MRPS25: variants seen among roughly 807,000 people sequenced by gnomAD.
MRPS25 encodes small ribosomal subunit protein mS25.
MRPS25 carries 15 observed loss-of-function variants against 17.3 expected under a neutral mutation model. That is an observed-to-expected ratio of 0.87 (90% CI 0.58 to 1.34). The LOEUF (loss-of-function observed/expected upper bound fraction) is 1.34, where lower values mean the gene tolerates loss of function less well. MRPS25 is among the 40% of genes most tolerant of loss of function. The probability of loss-of-function intolerance (pLI) is 0.00; values close to 1 mark genes in which losing one functional copy is unlikely to be tolerated. For synonymous variants in MRPS25, 94 were observed against 83.3 expected (o/e 1.13, Z -0.70); for missense variants, 225 against 218.6 (o/e 1.03, Z -0.19).
intron 1 of MRPS25, among the ~76,000 whole-genome samples, chr3:15,062,973 T>C (rs1001918491): frequency 2.6e-5 from 4 of 151,696 alleles, no homozygotes; most frequent in Non-Finnish European, 4.4e-5. Flanking sequence ...GTTTATCTGC[T>C]GACCTTCCCT....
Position 15,052,501 on chromosome 3 carries a change from T to G in MRPS25, c.462A>C (p.Pro154=). Residue 154 remains proline, a synonymous_variant, in exon 4 of 4, where the codon CCA becomes CCC. Transcript: ENST00000253686. Reference sequence around the variant, plus strand: ...ACTTCCCCCTCATCTCCTTGGGTAATGGCACCAGGCTGGGGCAGGGCACCT... The same window carrying G: ...ACTTCCCCCTCATCTCCTTGGGTAAGGGCACCAGGCTGGGGCAGGGCACCT... The part of the protein sequence containing the change: ...EGQVPCPSLV[P]LPKEMRGKYK... The G allele has an allele frequency of 6.2e-7, 1 of 1,614,164 alleles. No individual in the cohort carries two copies. The highest frequency in any genetic ancestry group is 1.3e-5 in the African/African-American group (1 of 75,044).
intron 2 of MRPS25, among the ~76,000 whole-genome samples, chr3:15,058,459 G>A (rs955308253): frequency 1.3e-5 from 2 of 152,220 alleles, no homozygotes; most frequent in East Asian, 1.9e-4. Flanking sequence ...AAAGTTCTGG[G>A]ATTACAGGCG....
In MRPS25 at chr3:15,049,238, T is replaced by C. The variant is rs2042562225; in HGVS notation, c.*3203A>G. The C allele has an allele frequency of 6.5e-6, 1 of 152,678 alleles. No homozygotes were observed. The highest frequency in any genetic ancestry group is 6.5e-5 in the Admixed American group (1 of 15,276). The allele number at this position is 152,678 out of a possible 1,614,324, so 9.5% of individuals were successfully genotyped here. ...TTGTGGCTTAATACTACTACCTAAA[T>C]GAGGTTTATACTATTAAAAGTGAAT... is the stretch of plus-strand genomic sequence containing the variant. On this transcript the variant is annotated 3_prime_UTR_variant, in exon 4 of 4. Coordinates refer to ENST00000253686, the MANE Select transcript of MRPS25 (RefSeq NM_022497.5).
At chr3:15,061,470 G>A (rs1268863046) in intron 1 of MRPS25, among the ~76,000 whole-genome samples, 1 of 152,204 alleles carries the variant, frequency 6.6e-6, no homozygotes, top group Non-Finnish European at 1.5e-5. Flanking sequence ...CGCCAGCCTC[G>A]GCCTCCAGAG....
downstream of MRPS25, chr3:15,044,873 AG>A (rs1381108078): frequency 6.6e-6 from 1 of 152,258 alleles, no homozygotes; most frequent in East Asian, 1.9e-4. Flanking sequence ...CAGTGTTAGT[AG>A]GGTAAGTGGG....
chr3:15,060,221 A>G (rs955689593), intron 1 of MRPS25, among the ~76,000 whole-genome samples: 10 of 152,150 alleles, frequency 6.6e-5, no homozygotes, highest in African/African-American at 2.4e-4. Flanking sequence ...AAAATCAACA[A>G]GTAGCTCTCA....
chr3:15,065,160 G>C lies in MRPS25; in HGVS notation c.35C>G (p.Thr12Ser). ...PMKGRFPIRR[T>S]LQYLSQGNVV... ...GTTCCCCTGGCTCAGATATTGCAGG[G>C]TGCGGCGGATGGGGAAGCGGCCCTT... The change falls in exon 1 of 4, where the codon ACC becomes AGC. Residue 12 changes from threonine to serine, a missense_variant. Coordinates refer to ENST00000253686, the MANE Select transcript of MRPS25 (RefSeq NM_022497.5). 1 of 1,607,954 alleles carries C rather than the reference G, an allele frequency of 6.2e-7. No individual in the cohort carries two copies.
rs1015074815 is a variant in MRPS25, at chr3:15,049,233, C to G, written c.*3208G>C. The G allele has an allele frequency of 1.3e-5, 2 of 152,642 alleles. No individual in the cohort carries two copies. Among genetic ancestry groups the G allele is most frequent in the Non-Finnish European group, 2.9e-5 (2 of 68,074 alleles). 9.5% of individuals were successfully genotyped at this position (152,642 alleles called of 1,614,324 possible). A position where few individuals can be genotyped will look rare whatever the true frequency, so the allele number is the denominator to read the frequency against. ...TATTGTTGTGGCTTAATACTACTAC[C>G]TAAATGAGGTTTATACTATTAAAAG... On this transcript the variant is annotated 3_prime_UTR_variant, in exon 4 of 4. Coordinates refer to ENST00000253686, the MANE Select transcript of MRPS25 (RefSeq NM_022497.5).
At chr3:15,045,731 A>C (rs2042427556), downstream of MRPS25, 1 of 152,676 alleles carries the variant, frequency 6.5e-6, no homozygotes, top group African/African-American at 2.4e-5. Flanking sequence ...TCCAACTTTC[A>C]CAGGGCTTAT....
At chr3:15,047,129 T>C (rs1276977903), downstream of MRPS25, 2 of 152,684 alleles carry the variant, frequency 1.3e-5, no homozygotes, top group Admixed American at 1.3e-4. Context: ...GTATATTATG[T>C]ATACAGACAT....
intron 1 of MRPS25, among the ~76,000 whole-genome samples, chr3:15,063,293 G>A (rs2042804875): frequency 1.3e-5 from 2 of 152,230 alleles, no homozygotes; most frequent in South Asian, 2.1e-4. Flanking sequence ...CACTTGTTCA[G>A]GGTAGAACAC....
At chr3:15,056,030 C>T (rs111598998) in intron 2 of MRPS25, among the ~76,000 whole-genome samples, 3 of 151,528 alleles carry the variant, frequency 2.0e-5, no homozygotes, top group African/African-American at 4.8e-5. Context: ...TGGCTAACAC[C>T]GTGAAACCCC....
intron 2 of MRPS25, among the ~76,000 whole-genome samples, chr3:15,054,308 CA>C (rs1386171107): frequency 2.0e-5 from 3 of 152,062 alleles, no homozygotes; most frequent in Non-Finnish European, 2.9e-5. Flanking sequence ...GCAAAGATAC[CA>C]AGATAATTCA....
At chr3:15,044,866 T>C (rs985902597), downstream of MRPS25, 3 of 152,206 alleles carry the variant, frequency 2.0e-5, no homozygotes, top group Non-Finnish European at 2.9e-5. Context: ...CGCAAGTCAG[T>C]GTTAGTAGGG....
chr3:15,055,719 C>T (rs182898464), intron 2 of MRPS25, among the ~76,000 whole-genome samples: 1 of 151,596 alleles, frequency 6.6e-6, no homozygotes, highest in Non-Finnish European at 1.5e-5. Context: ...AGTGAGACTC[C>T]GTCTTTTAAA....
Position 15,049,154 on chromosome 3 carries a change from G to A in MRPS25, c.*3287C>T, listed in dbSNP as rs1174094248. 2.0e-5 allele frequency: 3 copies of A among 152,590 alleles called. No individual in the cohort carries two copies. The highest frequency in any genetic ancestry group is 7.2e-5 in the African/African-American group (3 of 41,426). The allele number at this position is 152,590 out of a possible 1,614,324, so 9.5% of individuals were successfully genotyped here. On this transcript the variant is annotated 3_prime_UTR_variant, in exon 4 of 4. Coordinates refer to ENST00000253686, the MANE Select transcript of MRPS25 (RefSeq NM_022497.5). ...TTGTTGTGTTTGTATATAGAGTATT[G>A]CAGTGCATGAATTAGCTTTATGCAT...
At position 15,048,760 on chromosome 3, in the gene MRPS25, T is replaced by C. The variant is rs1008073172; in HGVS notation, c.*3681A>G. On this transcript the variant is annotated 3_prime_UTR_variant, in exon 4 of 4. Coordinates refer to ENST00000253686, the MANE Select transcript of MRPS25 (RefSeq NM_022497.5). ...TTGTAAACCAGTGTTCAACTAGTTT[T>C]ATAACTGAAAAGCTGCACATTTTTC... is the stretch of plus-strand genomic sequence containing the variant. The C allele has an allele frequency of 2.0e-5, 3 of 152,654 alleles. No individual in the cohort carries two copies. The highest frequency in any genetic ancestry group is 2.9e-5 in the Non-Finnish European group (2 of 68,046). The allele number at this position is 152,654 out of a possible 1,614,324, so 9.5% of individuals were successfully genotyped here. A position where few individuals can be genotyped will look rare whatever the true frequency, so the allele number is the denominator to read the frequency against.
chr3:15,065,222 A>T lies in MRPS25; in HGVS notation c.-28T>A, dbSNP rs1391369512. 1 of 1,555,000 alleles carries T rather than the reference A, an allele frequency of 6.4e-7. No homozygotes were observed. The highest frequency in any genetic ancestry group is 1.9e-5 in the Admixed American group (1 of 52,036). The stretch of plus-strand genomic sequence containing the variant: ...CGGCAACGGTGGCGGGGCCGACCCC[A>T]CGGGCCGCGAGCCGAGCAGCGACGA... On this transcript the variant is annotated 5_prime_UTR_variant, in exon 1 of 4. Transcript: ENST00000253686.
chr3:15,057,185 C>T (rs116401543), intron 2 of MRPS25, among the ~76,000 whole-genome samples: 224 of 152,296 alleles, frequency 1.5e-3, no homozygotes, highest in African/African-American at 4.9e-3. Flanking sequence ...TCTCCCTGGC[C>T]GGGGCCTAGG....
Sources: gnomAD v4.1 joint callset for allele counts (sites outside exome capture counted in the v4.1 genomes callset) on GRCh38, gnomAD v4.1.1 for gene constraint, MANE v1.5 for transcripts, NCBI Gene and HGNC (gene_info 2026-07-23, HGNC 2026-07-21) for gene names.